Variants in SORCS3 observed in about 807,000 individuals in gnomAD.
The protein encoded by SORCS3 is sortilin related VPS10 domain containing receptor 3, also known as VPS10 domain-containing receptor SorCS3.
SORCS3 carries 57 observed loss-of-function variants against 146.3 expected under a neutral mutation model. That is an observed-to-expected ratio of 0.39 (90% CI 0.31 to 0.49). SORCS3 has a LOEUF of 0.49. SORCS3 is among the 20% of genes least tolerant of loss of function. SORCS3 has a pLI of 0.92. For missense variants in SORCS3, 1,341 were observed against 1,575.5 expected (o/e 0.85, Z 2.52); for synonymous variants, 653 against 618.5 (o/e 1.06, Z -0.83).
chr10:104,964,693 ATTTATT>A, intron 3 of SORCS3, among the ~76,000 whole-genome samples: 1 of 152,066 alleles, frequency 6.6e-6, no homozygotes, highest in Non-Finnish European at 1.5e-5. Context: ...TTATTTTTAT[ATTTATT>A]TTTTACTTTA....
intron 1 of SORCS3, among the ~76,000 whole-genome samples, chr10:104,755,681 C>T (rs1327695853): frequency 6.6e-6 from 1 of 152,110 alleles, no homozygotes; most frequent in Non-Finnish European, 1.5e-5. Flanking sequence ...AACCTAGAAG[C>T]AGAGGTATGC....
chr10:105,150,957 G>A (rs569190960), intron 9 of SORCS3, among the ~76,000 whole-genome samples: 41 of 152,280 alleles, frequency 2.7e-4, no homozygotes, highest in African/African-American at 9.6e-4. Flanking sequence ...ATGCAACTGA[G>A]AAAAACAGTA....
At chr10:104,830,729 C>T (rs2017991152) in intron 1 of SORCS3, among the ~76,000 whole-genome samples, 1 of 152,206 alleles carries the variant, frequency 6.6e-6, no homozygotes, top group Admixed American at 6.5e-5. Context: ...ACAGCACAGC[C>T]TACTTCTTTG....
At chr10:105,173,696 C>A (rs1589671347) in intron 13 of SORCS3, among the ~76,000 whole-genome samples, 1 of 152,066 alleles carries the variant, frequency 6.6e-6, no homozygotes, top group East Asian at 1.9e-4. Context: ...AAAATAAGGT[C>A]CTTCATGATT....
At chr10:104,827,359 G>A (rs1172473536) in intron 1 of SORCS3, among the ~76,000 whole-genome samples, 1 of 152,170 alleles carries the variant, frequency 6.6e-6, no homozygotes, top group Non-Finnish European at 1.5e-5. Context: ...GTACATGATG[G>A]ATGTTGTGAT....
At chr10:104,881,558 G>T (rs549463965) in intron 2 of SORCS3, among the ~76,000 whole-genome samples, 40 of 152,134 alleles carry the variant, frequency 2.6e-4, no homozygotes, top group Non-Finnish European at 5.0e-4. Flanking sequence ...TGATTAAAGA[G>T]AATTCTTTTA....
At chr10:105,054,824 G>T (rs751129994) in intron 5 of SORCS3, among the ~76,000 whole-genome samples, 18 of 152,118 alleles carry the variant, frequency 1.2e-4, no homozygotes, top group African/African-American at 3.9e-4. Context: ...GTCTGGCTGG[G>T]TAAGTCTCCT....
chr10:105,126,661 C>A (rs1177190797), intron 7 of SORCS3, among the ~76,000 whole-genome samples: 1 of 152,128 alleles, frequency 6.6e-6, no homozygotes, highest in Non-Finnish European at 1.5e-5. Flanking sequence ...TGGAATCTGG[C>A]AAACATGAGT....
At chr10:105,004,430 A>G (rs10400053) in intron 4 of SORCS3, among the ~76,000 whole-genome samples, 16 of 152,068 alleles carry the variant, frequency 1.1e-4, no homozygotes, top group African/African-American at 7.2e-5. Flanking sequence ...ACAGGAAACC[A>G]TGTTACTGAA....
rs374638201 is a variant in SORCS3, at chr10:105,148,137, T to C, written c.1482+341T>C. 1.7e-4 allele frequency among the ~76,000 whole-genome samples: 26 copies of C among 152,232 alleles called. No homozygotes were observed. In the East Asian group the frequency reaches 4.2e-3, roughly 25 times the overall value. ...ATTTTTTAAGTAGCTTTGTAAACTC[T>C]GTGTTGCTTTTGTGGACCCTGAATG... On this transcript the variant is annotated intron_variant, in intron 9 of 26. Coordinates refer to ENST00000369701, the MANE Select transcript of SORCS3 (RefSeq NM_014978.3).
intron 1 of SORCS3, among the ~76,000 whole-genome samples, chr10:104,699,117 A>T (rs1564662317): frequency 6.6e-6 from 1 of 152,154 alleles, no homozygotes; most frequent in Admixed American, 6.6e-5. Context: ...GATTCCTGGG[A>T]CGTTTTGCAA....
chr10:104,975,568 T>G (rs1187111359), intron 3 of SORCS3, among the ~76,000 whole-genome samples: 26 of 152,128 alleles, frequency 1.7e-4, no homozygotes, highest in Admixed American at 1.7e-3. Context: ...TATTTTAAAG[T>G]TCATATGGAG....
chr10:104,749,022 C>T (rs1214412461), intron 1 of SORCS3, among the ~76,000 whole-genome samples: 4 of 152,170 alleles, frequency 2.6e-5, no homozygotes, highest in African/African-American at 7.2e-5. Flanking sequence ...GAAGCAGGAG[C>T]ATGGCTATGA....
intron 1 of SORCS3, among the ~76,000 whole-genome samples, chr10:104,763,579 C>T (rs1001168517): frequency 1.3e-5 from 2 of 152,172 alleles, no homozygotes; most frequent in Non-Finnish European, 2.9e-5. Context: ...TCCATCTTCC[C>T]TTATGATGGC....
chr10:104,954,118 C>T (rs2019462421), intron 3 of SORCS3, among the ~76,000 whole-genome samples: 1 of 152,050 alleles, frequency 6.6e-6, no homozygotes, highest in Non-Finnish European at 1.5e-5. Flanking sequence ...TTTCCTTCAA[C>T]TGATAGGGGG....
intron 16 of SORCS3, among the ~76,000 whole-genome samples, chr10:105,202,435 G>A (rs1488617404): frequency 2.0e-5 from 3 of 151,992 alleles, no homozygotes; most frequent in East Asian, 1.9e-4. Flanking sequence ...TAGTATGGCC[G>A]GCACCTTTGA....
At position 105,021,228 on chromosome 10, in the gene SORCS3, T is replaced by C. The variant is rs117477493; in HGVS notation, c.955-21827T>C. Among the ~76,000 whole-genome samples, 2,152 of 152,262 alleles carry C rather than the reference T, an allele frequency of 0.014. 85 individuals are homozygous for C. The East Asian group carries it at 0.15, about 10-fold the overall frequency. ...AAAGTCCAAGACTGAGGGGCCAGCA[T>C]TGGGAGAGGGTCTTCTTGTGGTGTC... is the stretch of plus-strand genomic sequence containing the variant. On this transcript the variant is annotated intron_variant, in intron 4 of 26. Transcript: ENST00000369701.
chr10:104,641,771 T>C lies in SORCS3; in HGVS notation c.444T>C (p.Thr148=). The C allele has an allele frequency of 1.3e-6, 2 of 1,547,636 alleles. No homozygotes were observed. The highest frequency in any genetic ancestry group is 1.2e-5 in the South Asian group (1 of 83,924). The change falls in exon 1 of 27, where the codon ACT becomes ACC. Residue 148 remains threonine, a synonymous_variant. Transcript: ENST00000369701. This position sits in a 1 kb window ranked among gnomAD's most constrained non-coding sequence, Gnocchi z 6.4. The part of the protein sequence containing the change: ...ITQERGDAWA[T]APADGSRGSR... ...AGGAACGCGGGGACGCCTGGGCCAC[T>C]GCTCCGGCCGATGGTTCCAGAGGAA...
intron 2 of SORCS3, among the ~76,000 whole-genome samples, chr10:104,859,019 G>A (rs1003120161): frequency 3.3e-5 from 5 of 151,586 alleles, no homozygotes; most frequent in Non-Finnish European, 7.4e-5. Flanking sequence ...GAAATTAAAC[G>A]AGAAATATTC....
Sources: gnomAD v4.1 joint callset for allele counts (sites outside exome capture counted in the v4.1 genomes callset) on GRCh38, gnomAD v4.1.1 for gene constraint, Gnocchi (gnomAD v3.1) non-coding constraint, MANE v1.5 for transcripts, NCBI Gene and HGNC (gene_info 2026-07-23, HGNC 2026-07-21) for gene names.